The following PPP2R2B variants were observed in gnomAD, a reference collection of about 807,000 sequenced individuals.
PPP2R2B encodes the protein protein phosphatase 2 regulatory subunit Bbeta.
PPP2R2B carries 5 observed loss-of-function variants against 46.0 expected under a neutral mutation model. That is an observed-to-expected ratio of 0.11 (90% CI 0.06 to 0.23). The LOEUF is 0.23. PPP2R2B is among the 10% of genes least tolerant of loss of function. The pLI is 1.00. For synonymous variants in PPP2R2B, 215 were observed against 206.7 expected, an observed-to-expected ratio of 1.04 and a Z score of -0.34; for missense variants, 367 against 575.0, an observed-to-expected ratio of 0.64 and a Z score of 3.70.
chr5:147,069,785 G>GTTTTTTTTTTTCTTTTTTTTT (rs1757523548), intron 2 of PPP2R2B, among the ~76,000 whole-genome samples: 1 of 64,784 alleles, frequency 1.5e-5, no homozygotes, highest in Non-Finnish European at 2.5e-5. Context: ...ATTTTATACT[G>GTTTTTTTTTTTCTTTTTTTTT]TTTTTTTTTT....
intron 1 of PPP2R2B, among the ~76,000 whole-genome samples, chr5:147,050,896 A>G (rs1756780812): frequency 1.3e-5 from 2 of 152,144 alleles, no homozygotes; most frequent in South Asian, 4.2e-4. Context: ...TTGCTTTAAG[A>G]TATGTCCTCC....
At chr5:146,661,634 T>C (rs1776674032) in intron 5 of PPP2R2B, among the ~76,000 whole-genome samples, 1 of 152,168 alleles carries the variant, frequency 6.6e-6, no homozygotes, top group Non-Finnish European at 1.5e-5. Context: ...TGGCAAAAAA[T>C]TTCATGCTCT....
At chr5:147,023,515 T>TA (rs928749147) in intron 1 of PPP2R2B, among the ~76,000 whole-genome samples, 4 of 151,662 alleles carry the variant, frequency 2.6e-5, no homozygotes, top group Non-Finnish European at 5.9e-5. Context: ...AAAACATAGG[T>TA]AAAAAGTAAA....
chr5:146,682,594 G>A (rs422843), intron 5 of PPP2R2B, among the ~76,000 whole-genome samples: 47,126 of 152,082 alleles, frequency 0.31, 11,463 homozygotes, highest in African/African-American at 0.67. Context: ...GGGAATAACA[G>A]TAGTACCCAC....
intron 2 of PPP2R2B, among the ~76,000 whole-genome samples, chr5:146,750,059 T>G (rs1753459777): frequency 6.6e-6 from 1 of 152,008 alleles, no homozygotes; most frequent in Admixed American, 6.6e-5. Context: ...TCCGTTGAAT[T>G]GCTTTTGCAA....
Position 146,589,230 on chromosome 5 carries a change from T to C in PPP2R2B, c.*717A>G, listed in dbSNP as rs926445799. On this transcript the variant is annotated 3_prime_UTR_variant, in exon 10 of 10. Transcript: ENST00000394411. ...CCGCCTGGCCCTGCCAAGCTCACTC[T>C]GGGAAGCACTGTGTCGAAAGTGCTC... 4 of 152,250 alleles carry C rather than the reference T, an allele frequency of 2.6e-5. No individual in the cohort carries two copies. The highest frequency in any genetic ancestry group is 6.5e-5 in the Admixed American group (1 of 15,270). 9.4% of individuals were successfully genotyped at this position (152,250 alleles called of 1,614,324 possible). A position where few individuals can be genotyped will look rare whatever the true frequency, so the allele number is the denominator to read the frequency against.
At chr5:146,958,438 A>T (rs1752019435) in intron 1 of PPP2R2B, among the ~76,000 whole-genome samples, 1 of 152,154 alleles carries the variant, frequency 6.6e-6, no homozygotes. Context: ...GGAATCCATA[A>T]AATTAGTGTT....
intron 2 of PPP2R2B, among the ~76,000 whole-genome samples, chr5:146,774,963 T>C (rs1271433740): frequency 6.6e-6 from 1 of 152,058 alleles, no homozygotes; most frequent in Non-Finnish European, 1.5e-5. Flanking sequence ...CAAGTAGACC[T>C]GTATCAAGCA....
chr5:146,720,199 T>A (rs553124252), intron 2 of PPP2R2B, among the ~76,000 whole-genome samples: 1 of 152,304 alleles, frequency 6.6e-6, no homozygotes, highest in East Asian at 1.9e-4. Context: ...CCACACAACG[T>A]TAGGTCATTT....
intron 1 of PPP2R2B, among the ~76,000 whole-genome samples, chr5:146,961,846 G>A (rs896250044): frequency 1.3e-5 from 2 of 151,706 alleles, no homozygotes; most frequent in African/African-American, 4.8e-5. Context: ...AAAGCAAAAG[G>A]GATTTTCTAT....
At chr5:146,992,258 A>T (rs1316794640) in intron 1 of PPP2R2B, among the ~76,000 whole-genome samples, 1 of 152,240 alleles carries the variant, frequency 6.6e-6, no homozygotes, top group Admixed American at 6.5e-5. Flanking sequence ...AGAATACCCA[A>T]TGGGAAAAGG....
At chr5:146,654,128 C>T (rs411915) in intron 5 of PPP2R2B, among the ~76,000 whole-genome samples, 128,006 of 152,200 alleles carry the variant, frequency 0.84, 54,586 homozygotes, top group Non-Finnish European at 0.9. Context: ...GAAACATACA[C>T]GGAGAGCTTC....
chr5:146,857,178 T>C (rs1760724201), intron 2 of PPP2R2B, among the ~76,000 whole-genome samples: 1 of 152,142 alleles, frequency 6.6e-6, no homozygotes, highest in Non-Finnish European at 1.5e-5. Context: ...GAACAACTTC[T>C]ATGCAATAGG....
At chr5:147,059,130 T>C (rs1023004238), upstream of PPP2R2B, among the ~76,000 whole-genome samples, 3 of 152,262 alleles carry the variant, frequency 2.0e-5, no homozygotes, top group African/African-American at 7.2e-5. Flanking sequence ...GATGGCAACA[T>C]AGGATATGAG....
intron 2 of PPP2R2B, among the ~76,000 whole-genome samples, chr5:146,708,391 ATGTATGTGTGTGTGTATGTGTG>A (rs1283788316): frequency 7.4e-6 from 1 of 134,820 alleles, no homozygotes; most frequent in African/African-American, 2.8e-5. Flanking sequence ...CTGTATATCT[ATGTATGTGTGTGTGTATGTGTG>A]TGTGTGTGTG....
intron 7 of PPP2R2B, among the ~76,000 whole-genome samples, chr5:146,631,826 C>T (rs2151070909): frequency 6.6e-6 from 1 of 152,264 alleles, no homozygotes; most frequent in East Asian, 1.9e-4. Context: ...AGTTTCTCTC[C>T]TGCCTTTAAT....
chr5:146,796,344 C>T (rs1434580921), intron 2 of PPP2R2B, among the ~76,000 whole-genome samples: 20 of 152,136 alleles, frequency 1.3e-4, no homozygotes, highest in Admixed American at 1.3e-3. Context: ...CTTAAAACCA[C>T]CCACCTGGCC....
intron 7 of PPP2R2B, among the ~76,000 whole-genome samples, chr5:146,634,041 C>G (rs1182997529): frequency 6.6e-6 from 1 of 152,196 alleles, no homozygotes; most frequent in Non-Finnish European, 1.5e-5. Context: ...CTTGACTGAG[C>G]CATGGGCTGC....
At position 146,605,976 on chromosome 5, in the gene PPP2R2B, CT is replaced by C. The variant is rs1274713864; in HGVS notation, c.791-5517del. On this transcript the variant is annotated intron_variant, in intron 7 of 9. Coordinates refer to ENST00000394411, the MANE Select transcript of PPP2R2B (RefSeq NM_181675.4). ...GCTGTAAGTATCTTGTGGGAGCCCC[CT>C]GAAAGGGCTCAGATGACTGGGTAAA... Among the ~76,000 whole-genome samples the C allele has an allele frequency of 9.9e-5, 15 of 152,248 alleles. No individual in the cohort carries two copies. The East Asian group carries it at 2.7e-3, about 27-fold the overall frequency.
Sources: allele counts gnomAD v4.1 joint callset (sites outside exome capture counted in the v4.1 genomes callset), GRCh38; gene constraint gnomAD v4.1.1; transcripts MANE v1.5; gene names NCBI Gene and HGNC (gene_info 2026-07-23, HGNC 2026-07-21).